Variants in CD38 observed in about 807,000 individuals in gnomAD.
The protein encoded by CD38 is ADP-ribosyl cyclase/cyclic ADP-ribose hydrolase 1.
Under a neutral mutation model 36.3 loss-of-function variants are expected in CD38, and 31 were observed. The observed-to-expected ratio is 0.85, with a 90% CI of 0.64 to 1.15. CD38 has a LOEUF of 1.15. Ranked by LOEUF, CD38 falls within the 50% of genes most tolerant of loss-of-function variation. The pLI is 0.00. For missense variants in CD38, 380 were observed against 371.9 expected, an observed-to-expected ratio of 1.02 and a Z score of -0.18; for synonymous variants, 131 against 135.2, an observed-to-expected ratio of 0.97 and a Z score of 0.22.
chr4:15,796,749 A>G (rs1016514979), intron 1 of CD38, among the ~76,000 whole-genome samples: 6 of 152,228 alleles, frequency 3.9e-5, no homozygotes, highest in Admixed American at 2.0e-4. Context: ...TTTTCCACAC[A>G]TAGTATCTCT....
In CD38 at chr4:15,824,532, GT is replaced by G. The variant is rs903009456; in HGVS notation, c.364-342del. Among the ~76,000 whole-genome samples the G allele has an allele frequency of 7.9e-5, 12 of 152,068 alleles. No homozygotes were observed. In the East Asian group the frequency reaches 1.4e-3, roughly 17 times the overall value. ...TTCCTGAAAATAGCACGTAGACAAAGTTTTTTTGGAGATAACCTTAGGAATA... is the reference window on the plus strand; with the variant it reads ...TTCCTGAAAATAGCACGTAGACAAAGTTTTTTGGAGATAACCTTAGGAATA... On this transcript the variant is annotated intron_variant, in intron 2 of 7. Coordinates refer to ENST00000226279, the MANE Select transcript of CD38 (RefSeq NM_001775.4).
At chr4:15,785,336 A>C (rs1458810740) in intron 1 of CD38, among the ~76,000 whole-genome samples, 1 of 152,162 alleles carries the variant, frequency 6.6e-6, no homozygotes, top group African/African-American at 2.4e-5. Context: ...GTGGATGAAA[A>C]GGCTCAGTGG....
At chr4:15,834,389 G>A in intron 4 of CD38, 87 bp downstream of exon 4, 1 of 795,102 alleles carries the variant, frequency 1.3e-6, no homozygotes. Context: ...TAACACTTTT[G>A]GATTACAAAT....
intron 4 of CD38, among the ~76,000 whole-genome samples, chr4:15,834,674 T>A (rs867754535): frequency 6.6e-6 from 1 of 152,176 alleles, no homozygotes; most frequent in East Asian, 1.9e-4. Flanking sequence ...GGTCCTCAGA[T>A]CTTTACATGA....
At chr4:15,779,176 C>G (rs945536250) in intron 1 of CD38, among the ~76,000 whole-genome samples, 2 of 152,274 alleles carry the variant, frequency 1.3e-5, no homozygotes, top group African/African-American at 2.4e-5. Flanking sequence ...GGCCAAACCA[C>G]GGAACTTAGT....
intron 1 of CD38, among the ~76,000 whole-genome samples, chr4:15,783,203 G>A (rs1722735441): frequency 1.3e-5 from 2 of 152,184 alleles, no homozygotes; most frequent in African/African-American, 2.4e-5. Flanking sequence ...TCGGTACTGT[G>A]GGAGGGAGCC....
intron 2 of CD38, among the ~76,000 whole-genome samples, chr4:15,821,474 CAGAT>C (rs1327163371): frequency 6.6e-6 from 1 of 151,646 alleles, no homozygotes; most frequent in Non-Finnish European, 1.5e-5. Context: ...AGAGAAGAAT[CAGAT>C]AGATACAATA....
At chr4:15,838,325 C>T (rs1448273955) in intron 5 of CD38, among the ~76,000 whole-genome samples, 160 bp downstream of exon 5, 1 of 152,116 alleles carries the variant, frequency 6.6e-6, no homozygotes, top group Non-Finnish European at 1.5e-5. Context: ...AGAGTTGTCT[C>T]CTGTCAATGT....
At chr4:15,824,055 G>A (rs1210628895) in intron 2 of CD38, among the ~76,000 whole-genome samples, 2 of 152,024 alleles carry the variant, frequency 1.3e-5, no homozygotes, top group African/African-American at 4.8e-5. Flanking sequence ...ACAGGAACAT[G>A]CAAATGCTGC....
chr4:15,830,016 A>G (rs1228329992), intron 3 of CD38, among the ~76,000 whole-genome samples: 2 of 152,114 alleles, frequency 1.3e-5, no homozygotes, highest in Non-Finnish European at 1.5e-5. Flanking sequence ...GGTTGTTTCC[A>G]TATCTTGGCT....
intron 2 of CD38, among the ~76,000 whole-genome samples, chr4:15,823,448 A>G (rs548430552): frequency 6.6e-6 from 1 of 152,282 alleles, no homozygotes; most frequent in South Asian, 2.1e-4. Context: ...AATATCCAGA[A>G]TTTACAAAGA....
chr4:15,811,255 G>C (rs7694167), intron 1 of CD38, among the ~76,000 whole-genome samples: 3 of 133,596 alleles, frequency 2.2e-5, no homozygotes, highest in Non-Finnish European at 3.2e-5. Flanking sequence ...TTTGAAGAAC[G>C]TAGGATTTTA....
intron 1 of CD38, among the ~76,000 whole-genome samples, chr4:15,780,511 C>T (rs1373009927): frequency 8.2e-6 from 1 of 122,100 alleles, no homozygotes; most frequent in Non-Finnish European, 1.7e-5. Context: ...AGATAATATT[C>T]TCTCTCTCAC....
At chr4:15,818,510 C>T (rs541651444) in intron 2 of CD38, among the ~76,000 whole-genome samples, 1 of 152,200 alleles carries the variant, frequency 6.6e-6, no homozygotes, top group African/African-American at 2.4e-5. Flanking sequence ...TGCTAAAGGA[C>T]GGATTGCCTC....
intron 7 of CD38, among the ~76,000 whole-genome samples, chr4:15,841,192 TGGTGTAGGTA>T (rs1347748273): frequency 2.0e-5 from 3 of 152,194 alleles, no homozygotes; most frequent in Non-Finnish European, 4.4e-5. Context: ...TTGTGACCAA[TGGTGTAGGTA>T]GGTACTCATT....
Position 15,778,460 on chromosome 4 carries a change from T to A in CD38, c.46T>A (p.Cys16Ser). ...CCCGGTGTCCGGGGACAAACCCTGC[T>A]GCCGGCTCTCTAGGAGAGCCCAACT... ...FSPVSGDKPCCRLSRRAQLCL... is the reference protein window; with the variant it reads ...FSPVSGDKPCSRLSRRAQLCL... Residue 16 changes from cysteine (C) to serine (S), a missense_variant, in exon 1 of 8, where the codon TGC (cysteine) becomes AGC (serine). By Grantham distance (112) the Cys-to-Ser change is moderately radical. Coordinates refer to ENST00000226279, the MANE Select transcript of CD38 (RefSeq NM_001775.4). This position sits in a 1 kb window ranked among gnomAD's most constrained non-coding sequence, Gnocchi z 4.9. 6.2e-7 allele frequency: 1 copy of A among 1,613,930 alleles called. No individual in the cohort carries two copies. Among genetic ancestry groups the A allele is most frequent in the Non-Finnish European group, 8.5e-7 (1 of 1,179,984 alleles).
At chr4:15,848,235 C>T (rs1230459208) in intron 7 of CD38, among the ~76,000 whole-genome samples, 1 of 152,060 alleles carries the variant, frequency 6.6e-6, no homozygotes, top group East Asian at 1.9e-4. Context: ...CAGCTTTTTC[C>T]CAGACTCTGC....
At position 15,821,834 on chromosome 4, in the gene CD38, T is replaced by C. The variant is rs545279596; in HGVS notation, c.364-3047T>C. Among the ~76,000 whole-genome samples the C allele has an allele frequency of 5.5e-4, 84 of 151,728 alleles. 1 individual carries two copies. The highest frequency in any genetic ancestry group is 2.0e-3 in the African/African-American group (83 of 41,378). ...AAGGACTCCTCCCTAACTCATTTTA[T>C]GAGACTAGCACCATCCTGATAATAA... On this transcript the variant is annotated intron_variant, in intron 2 of 7. Coordinates refer to ENST00000226279, the MANE Select transcript of CD38 (RefSeq NM_001775.4).
Position 15,790,438 on chromosome 4 carries a change from G to A in CD38, c.233+11791G>A, listed in dbSNP as rs554395101. Reference sequence around the variant, plus strand: ...AGTGATCCGCCGGCCTCGGCCTCCCGAGGTGCCGGGATTGCGGACGGAGTC... The same window carrying A: ...AGTGATCCGCCGGCCTCGGCCTCCCAAGGTGCCGGGATTGCGGACGGAGTC... On this transcript the variant is annotated intron_variant, in intron 1 of 7. Transcript: ENST00000226279. Among the ~76,000 whole-genome samples, 6 of 151,362 alleles carry A rather than the reference G, an allele frequency of 4.0e-5. No homozygotes were observed. The East Asian group carries it at 5.9e-4, about 15-fold the overall frequency.
Sources: gnomAD v4.1 joint callset for allele counts (sites outside exome capture counted in the v4.1 genomes callset) on GRCh38, gnomAD v4.1.1 for gene constraint, Gnocchi (gnomAD v3.1) non-coding constraint, MANE v1.5 for transcripts, NCBI Gene and HGNC (gene_info 2026-07-23, HGNC 2026-07-21) for gene names.